The following RLIM variants were observed in gnomAD, a reference collection of about 807,000 sequenced individuals.
RLIM encodes E3 ubiquitin-protein ligase RLIM.
In RLIM, 2 loss-of-function variants were observed where a neutral mutation model predicts 34.0. The ratio of observed to expected loss-of-function variants is 0.06; its 90% CI spans 0.02 to 0.19. The LOEUF is 0.19. RLIM is among the 10% of genes least tolerant of loss of function. The pLI, the probability that RLIM is intolerant of heterozygous loss-of-function variation, is 1.00. For synonymous variants in RLIM, 169 were observed against 164.0 expected, an observed-to-expected ratio of 1.03 and a Z score of -0.23; for missense variants, 286 against 479.7, an observed-to-expected ratio of 0.60 and a Z score of 3.77.
Position 74,588,991 on chromosome X carries a change from G to A in RLIM, c.*2449C>T, listed in dbSNP as rs898466090. ...AAATCCGTGAGTGCTACTGAAAAAG[G>A]TGTTCACATGCACATGTCCAATATG... On this transcript the variant is annotated 3_prime_UTR_variant, in exon 4 of 4. Coordinates refer to ENST00000332687, the MANE Select transcript of RLIM (RefSeq NM_016120.4). The A allele has an allele frequency of 8.9e-6, 1 of 112,085 alleles. No individual in the cohort carries two copies. The highest frequency in any genetic ancestry group is 3.2e-5 in the African/African-American group (1 of 30,821). The allele number at this position is 112,085 out of a possible 1,213,427, so 9.2% of individuals were successfully genotyped here.
At chrX:74,597,283 T>C (rs1479997811) in intron 1 of RLIM, among the ~76,000 whole-genome samples, 1 of 112,001 alleles carries the variant, frequency 8.9e-6, no homozygotes. Flanking sequence ...TTGGTAAGTA[T>C]AGTGGTCCAA....
rs1021953819 is a variant in RLIM at position 74,594,155 on chromosome X, A to G, written c.253+151T>C. 1.4e-5 allele frequency: 5 copies of G among 356,978 alleles called. No individual in the cohort carries two copies. In the Admixed American group the frequency reaches 2.3e-4, roughly 16 times the overall value. The allele number at this position is 356,978 out of a possible 1,213,427, so 29.4% of individuals were successfully genotyped here. ...GAAAAAAAATGCTGACATTCTAAGT[A>G]TCAAGAAAATGTCAGTTTTCTTTTT... is the stretch of plus-strand genomic sequence containing the variant. On this transcript the variant is annotated intron_variant, in intron 3 of 3. Transcript: ENST00000332687.
chrX:74,605,735 T>C (rs1419068405), intron 1 of RLIM, among the ~76,000 whole-genome samples: 5 of 112,038 alleles, frequency 4.5e-5, no homozygotes, highest in Non-Finnish European at 3.8e-5. Flanking sequence ...TTGAAGTCAC[T>C]TAGGTCTCTC....
intron 1 of RLIM, among the ~76,000 whole-genome samples, chrX:74,610,912 T>A (rs866884610): frequency 1.3e-4 from 14 of 108,701 alleles, no homozygotes; most frequent in African/African-American, 1.7e-4. Context: ...AAATAAAAAA[T>A]AAATAAATAA....
chrX:74,587,404 T>C lies in RLIM; in HGVS notation c.*4036A>G, dbSNP rs944516198. 1 of 111,213 alleles carries C rather than the reference T, an allele frequency of 9.0e-6. No individual in the cohort carries two copies. Among genetic ancestry groups the C allele is most frequent in the African/African-American group, 3.3e-5 (1 of 30,584 alleles). The allele number at this position is 111,213 out of a possible 1,213,427, so 9.2% of individuals were successfully genotyped here. ...GGAGAATAAAAGTGCCCTGCAAACATGGCTTCTATGTACTTAATATGGTAA... is the reference window on the plus strand; with the variant it reads ...GGAGAATAAAAGTGCCCTGCAAACACGGCTTCTATGTACTTAATATGGTAA... On this transcript the variant is annotated 3_prime_UTR_variant, in exon 4 of 4. Transcript: ENST00000332687.
chrX:74,586,722 C>T lies in RLIM; in HGVS notation c.*4718G>A, dbSNP rs1444521302. ...GGAAAATAATTCTTAATTTCATAATCCTAAAACTTTTTCTAAAAATTTTTG... is the reference window on the plus strand; with the variant it reads ...GGAAAATAATTCTTAATTTCATAATTCTAAAACTTTTTCTAAAAATTTTTG... On this transcript the variant is annotated 3_prime_UTR_variant, in exon 4 of 4. Transcript: ENST00000332687. 1 of 112,503 alleles carries T rather than the reference C, an allele frequency of 8.9e-6. No individual in the cohort carries two copies. The highest frequency in any genetic ancestry group is 3.2e-5 in the African/African-American group (1 of 30,971). The allele number at this position is 112,503 out of a possible 1,213,427, so 9.3% of individuals were successfully genotyped here.
Position 74,587,539 on chromosome X carries a change from A to G in RLIM, c.*3901T>C, listed in dbSNP as rs1485880813. The G allele has an allele frequency of 8.9e-6, 1 of 111,950 alleles. No homozygotes were observed. 9.2% of individuals were successfully genotyped at this position (111,950 alleles called of 1,213,427 possible). A position where few individuals can be genotyped will look rare whatever the true frequency, so the allele number is the denominator to read the frequency against. The stretch of plus-strand genomic sequence containing the variant: ...ACAAAGGAGAAAAGGGGAAGAATAA[A>G]AACATTCTCCATCTTTAAAAGAAAA... On this transcript the variant is annotated 3_prime_UTR_variant, in exon 4 of 4. Coordinates refer to ENST00000332687, the MANE Select transcript of RLIM (RefSeq NM_016120.4).
chrX:74,595,773 T>C (rs1323303452), intron 2 of RLIM, 36 bp downstream of exon 2: 3 of 1,066,016 alleles, frequency 2.8e-6, no homozygotes, highest in East Asian at 3.1e-5. Flanking sequence ...AACCAGCAAC[T>C]TACACTTATA....
At chrX:74,595,083 G>A (rs1300336239) in intron 2 of RLIM, among the ~76,000 whole-genome samples, 2 of 110,603 alleles carry the variant, frequency 1.8e-5, no homozygotes, top group East Asian at 2.8e-4. Flanking sequence ...AGCTTTGAGA[G>A]GAGGATATTG....
Position 74,592,004 on chromosome X carries a change from C to G in RLIM, c.1311G>C (p.Met437Ile). The G allele has an allele frequency of 8.3e-7, 1 of 1,211,657 alleles. No individual in the cohort carries two copies. The highest frequency in any genetic ancestry group is 1.1e-6 in the Non-Finnish European group (1 of 895,487). Residue 437 changes from methionine to isoleucine, a missense_variant, in exon 4 of 4, where the codon ATG (methionine) becomes ATC (isoleucine). This residue lies in a region of RLIM where 69 missense variants were observed against 83.5 expected (regional missense o/e 0.83). Coordinates refer to ENST00000332687, the MANE Select transcript of RLIM (RefSeq NM_016120.4). Reference protein sequence around the residue: ...EPTGSVSNRNMERAESRSGRG... With the variant: ...EPTGSVSNRNIERAESRSGRG... ...TTCCACTCCGTGACTCTGCCCTTTC[C>G]ATATTTCGATTTGAGACTGAGCCAG...
At chrX:74,600,937 T>C (rs1219743705) in intron 1 of RLIM, among the ~76,000 whole-genome samples, 1 of 105,119 alleles carries the variant, frequency 9.5e-6, no homozygotes, top group Non-Finnish European at 1.9e-5. Context: ...GGCAGGAGAA[T>C]CACTTGAACC....
rs1242761861 is a variant in RLIM at position 74,587,946 on chromosome X, A to G, written c.*3494T>C. On this transcript the variant is annotated 3_prime_UTR_variant, in exon 4 of 4. Transcript: ENST00000332687. Reference sequence around the variant, plus strand: ...CTGTGTGTGTACACACACATATTTTATTTCCTGGTGCTAAAGGTCTTATAA... The same window carrying G: ...CTGTGTGTGTACACACACATATTTTGTTTCCTGGTGCTAAAGGTCTTATAA... The G allele has an allele frequency of 8.9e-6, 1 of 112,121 alleles. No individual in the cohort carries two copies. Among genetic ancestry groups the G allele is most frequent in the Admixed American group, 9.4e-5 (1 of 10,603 alleles). 9.2% of individuals were successfully genotyped at this position (112,121 alleles called of 1,213,427 possible).
rs766233738 is a variant in RLIM at position 74,597,383 on chromosome X, T to C, written c.-23-1383A>G. 2.7e-5 allele frequency among the ~76,000 whole-genome samples: 3 copies of C among 112,236 alleles called. No individual in the cohort carries two copies. In the East Asian group the frequency reaches 8.4e-4, roughly 31 times the overall value. ...GTTTTCTCTTTGGCTCTTGATTTGT[T>C]GACAAATGTAACTGATACTACTTAA... is the stretch of plus-strand genomic sequence containing the variant. On this transcript the variant is annotated intron_variant, in intron 1 of 3. Transcript: ENST00000332687.
intron 1 of RLIM, among the ~76,000 whole-genome samples, chrX:74,609,660 A>G (rs1179025857): frequency 9.1e-6 from 1 of 110,485 alleles, no homozygotes; most frequent in Non-Finnish European, 1.9e-5. Context: ...GAAGAGGGTG[A>G]CAATATATCT....
At chrX:74,597,894 G>A (rs1216450667) in intron 1 of RLIM, among the ~76,000 whole-genome samples, 1 of 111,729 alleles carries the variant, frequency 9.0e-6, no homozygotes, top group African/African-American at 3.3e-5. Context: ...GGCAAAGATG[G>A]ATTTATTTTC....
chrX:74,612,989 G>C (rs2079717964), intron 1 of RLIM, among the ~76,000 whole-genome samples: 2 of 111,519 alleles, frequency 1.8e-5, no homozygotes, highest in South Asian at 7.4e-4. Context: ...AAATTCATCA[G>C]AACATCATGG....
At chrX:74,604,303 C>T (rs1308231186) in intron 1 of RLIM, among the ~76,000 whole-genome samples, 1 of 110,890 alleles carries the variant, frequency 9.0e-6, no homozygotes, top group African/African-American at 3.3e-5. Context: ...AAACATTTTA[C>T]ACTACTTCAG....
chrX:74,597,270 C>G (rs2079643647), intron 1 of RLIM, among the ~76,000 whole-genome samples: 1 of 111,844 alleles, frequency 8.9e-6, no homozygotes, highest in Non-Finnish European at 1.9e-5. Flanking sequence ...TAATATTGGA[C>G]TTTTGGTAAG....
At chrX:74,596,834 C>T (rs2079642166) in intron 1 of RLIM, among the ~76,000 whole-genome samples, 1 of 110,871 alleles carries the variant, frequency 9.0e-6, no homozygotes, top group Non-Finnish European at 1.9e-5. Context: ...CAAGTGCCTT[C>T]ACACTGGACA....
Sources: allele counts gnomAD v4.1 joint callset (sites outside exome capture counted in the v4.1 genomes callset), GRCh38; gene constraint gnomAD v4.1.1; regional missense constraint gnomAD v4.1.1; transcripts MANE v1.5; gene names NCBI Gene and HGNC (gene_info 2026-07-23, HGNC 2026-07-21).